Variants in CLCA4 observed in about 807,000 individuals in gnomAD.
The protein encoded by CLCA4 is calcium-activated chloride channel regulator 4.
A neutral mutation model predicts 78.9 loss-of-function variants in CLCA4; 69 were observed. The observed-to-expected ratio is 0.87, with a 90% CI of 0.72 to 1.07. The LOEUF is 1.07. Among genes scored for constraint, CLCA4 ranks in the 50% least tolerant of loss-of-function variants. CLCA4 has a pLI of 0.00. For missense variants in CLCA4, 1,133 were observed against 1,095.8 expected, an observed-to-expected ratio of 1.03 and a Z score of -0.48; for synonymous variants, 362 against 375.8, an observed-to-expected ratio of 0.96 and a Z score of 0.42.
chr1:86,571,263 C>T lies in CLCA4; in HGVS notation c.1360+9C>T, dbSNP rs2231595. 0.11 allele frequency: 174,374 copies of T among 1,604,310 alleles called. 10,931 individuals are homozygous for T. Among genetic ancestry groups the T allele is most frequent in the Middle Eastern group, 0.17 (995 of 5,996 alleles). ...GATGAGCAAGATAACAGGTAAAACA[C>T]GATCCATTTATTCCAGGCCTTCAAT... is the stretch of plus-strand genomic sequence containing the variant. On this transcript the variant is annotated intron_variant, in intron 8 of 13. Coordinates refer to ENST00000370563, the MANE Select transcript of CLCA4 (RefSeq NM_012128.4).
chr1:86,566,214 T>G (rs962034466), intron 6 of CLCA4, among the ~76,000 whole-genome samples, 194 bp downstream of exon 6: 2 of 152,090 alleles, frequency 1.3e-5, no homozygotes, highest in Non-Finnish European at 2.9e-5. Flanking sequence ...TAAAAATACC[T>G]AATCCAAGGG....
chr1:86,561,235 G>C (rs754507433), intron 3 of CLCA4, among the ~76,000 whole-genome samples: 1 of 152,016 alleles, frequency 6.6e-6, no homozygotes, highest in Non-Finnish European at 1.5e-5. Context: ...GTTTTCCTTG[G>C]CACCTCTAAT....
At chr1:86,573,305 T>C (rs1306132007) in intron 9 of CLCA4, among the ~76,000 whole-genome samples, 2 of 152,026 alleles carry the variant, frequency 1.3e-5, no homozygotes, top group Non-Finnish European at 2.9e-5. Context: ...ATCTGGGTCT[T>C]GATAGCACCA....
At chr1:86,552,817 T>C (rs1649706929) in intron 1 of CLCA4, 3 of 954,140 alleles carry the variant, frequency 3.1e-6, no homozygotes, top group Non-Finnish European at 5.1e-6. Flanking sequence ...CTCTTCCATG[T>C]AGCGGGGGAT....
chr1:86,559,786 G>T, intron 1 of CLCA4, 146 bp from the exon 2 acceptor site: 1 of 657,156 alleles, frequency 1.5e-6, no homozygotes, highest in Non-Finnish European at 2.7e-6. Context: ...ACAGGTGGCA[G>T]AGTTAGAATA....
At chr1:86,550,807 TA>T (rs1262069912) in intron 1 of CLCA4, among the ~76,000 whole-genome samples, 1 of 149,718 alleles carries the variant, frequency 6.7e-6, no homozygotes, top group East Asian at 2.0e-4. Context: ...CCTCATGAGA[TA>T]ATAAGGTCTA....
chr1:86,565,208 C>A lies in CLCA4; in HGVS notation c.558-66C>A, dbSNP rs1233786984. On this transcript the variant is annotated intron_variant, in intron 4 of 13. Transcript: ENST00000370563. Reference sequence around the variant, plus strand: ...ATATAAAGTTCATCATGAATAGAACCACTTAAGATTTCTGTAAGTGCTAAT... The same window carrying A: ...ATATAAAGTTCATCATGAATAGAACAACTTAAGATTTCTGTAAGTGCTAAT... 41 of 1,122,208 alleles carry A rather than the reference C, an allele frequency of 3.7e-5. 1 individual carries two copies. Among genetic ancestry groups the A allele is most frequent in the Non-Finnish European group, 5.1e-5 (40 of 782,172 alleles). The allele number at this position is 1,122,208 out of a possible 1,614,324, so 69.5% of individuals were successfully genotyped here.
At chr1:86,566,924 G>T (rs1364965203) in intron 6 of CLCA4, among the ~76,000 whole-genome samples, 1 of 151,988 alleles carries the variant, frequency 6.6e-6, no homozygotes, top group African/African-American at 2.4e-5. Flanking sequence ...GGAAGATAGG[G>T]CCTTGGCCTC....
At chr1:86,557,107 G>A (rs142748987) in intron 1 of CLCA4, among the ~76,000 whole-genome samples, 1 of 151,962 alleles carries the variant, frequency 6.6e-6, no homozygotes, top group African/African-American at 2.4e-5. Flanking sequence ...TAGTCTAGCT[G>A]GTAGCTAGTG....
chr1:86,568,979 C>T (rs939480140), intron 7 of CLCA4, among the ~76,000 whole-genome samples: 2 of 152,034 alleles, frequency 1.3e-5, no homozygotes, highest in Admixed American at 6.6e-5. Flanking sequence ...TCAATTACCT[C>T]ATCAGTAAAA....
At chr1:86,551,305 C>T (rs896557172) in intron 1 of CLCA4, among the ~76,000 whole-genome samples, 8 of 151,992 alleles carry the variant, frequency 5.3e-5, no homozygotes, top group Non-Finnish European at 7.4e-5. Flanking sequence ...ATTTTCTTTA[C>T]CTTTGTTTTG....
At chr1:86,554,915 T>C (rs754804653) in intron 1 of CLCA4, among the ~76,000 whole-genome samples, 1 of 151,944 alleles carries the variant, frequency 6.6e-6, no homozygotes, top group Non-Finnish European at 1.5e-5. Context: ...TGAGATGATA[T>C]CTCATGGTGG....
At chr1:86,560,929 A>C (rs1453810687) in intron 3 of CLCA4, among the ~76,000 whole-genome samples, 2 of 152,198 alleles carry the variant, frequency 1.3e-5, no homozygotes, top group Non-Finnish European at 2.9e-5. Context: ...TGCTAAAATA[A>C]TTTGTCAAAA....
intron 7 of CLCA4, among the ~76,000 whole-genome samples, chr1:86,570,353 C>T (rs985070900): frequency 6.6e-6 from 1 of 151,986 alleles, no homozygotes; most frequent in Non-Finnish European, 1.5e-5. Context: ...TCATCCTGGG[C>T]TAACTTCTCT....
At chr1:86,579,819 T>C in intron 13 of CLCA4, 123 bp from the exon 14 acceptor site, 1 of 786,008 alleles carries the variant, frequency 1.3e-6, no homozygotes, top group Non-Finnish European at 2.0e-6. Flanking sequence ...CAGCTTTTAT[T>C]AAAAAATGAG....
At position 86,580,266 on chromosome 1, in the gene CLCA4, G is replaced by T. The variant is rs759448427; in HGVS notation, c.2681G>T (p.Gly894Val). Reference protein sequence around the residue: ...TPTPDKSHNSGVNISTLVLSV... With the variant: ...TPTPDKSHNSVVNISTLVLSV... Reference sequence around the variant, plus strand: ...ACTCCTGATAAAAGTCATAATTCTGGAGTTAATATTTCTACGCTGGTATTG... The same window carrying T: ...ACTCCTGATAAAAGTCATAATTCTGTAGTTAATATTTCTACGCTGGTATTG... The change falls in exon 14 of 14, where the codon GGA (glycine) becomes GTA (valine). Residue 894 changes from glycine to valine, a missense_variant. Transcript: ENST00000370563. The T allele has an allele frequency of 1.2e-6, 2 of 1,611,840 alleles. No individual in the cohort carries two copies. Among genetic ancestry groups the T allele is most frequent in the East Asian group, 2.2e-5 (1 of 44,716 alleles).
In CLCA4 at chr1:86,574,525, A is replaced by G. The variant is rs766863526; in HGVS notation, c.1468-15A>G. 6.3e-6 allele frequency: 10 copies of G among 1,590,998 alleles called. No homozygotes were observed. In the South Asian group the frequency reaches 1.1e-4, roughly 18 times the overall value. The stretch of plus-strand genomic sequence containing the variant: ...TGTCTTCTGCAGTCATTAATTTTGA[A>G]ATCTATTTAAACAGCTCGAAAGTAA... On this transcript the variant is annotated splice_polypyrimidine_tract_variant and intron_variant, in intron 9 of 13. Coordinates refer to ENST00000370563, the MANE Select transcript of CLCA4 (RefSeq NM_012128.4).
intron 1 of CLCA4, among the ~76,000 whole-genome samples, chr1:86,558,170 T>A (rs555189936): frequency 5.3e-5 from 8 of 152,298 alleles, no homozygotes; most frequent in Admixed American, 4.6e-4. Flanking sequence ...GCCTTTTAAG[T>A]GGGGCATTTG....
intron 1 of CLCA4, among the ~76,000 whole-genome samples, chr1:86,551,047 G>A (rs1264278936): frequency 7.2e-5 from 11 of 151,976 alleles, no homozygotes; most frequent in Admixed American, 7.2e-4. Context: ...TAGCCAGGAT[G>A]GTCTCAATCT....
Sources: gnomAD v4.1 joint callset for allele counts (sites outside exome capture counted in the v4.1 genomes callset) on GRCh38, gnomAD v4.1.1 for gene constraint, MANE v1.5 for transcripts, NCBI Gene and HGNC (gene_info 2026-07-23, HGNC 2026-07-21) for gene names.